The following KCNH1 variants were observed in gnomAD, a reference collection of about 807,000 sequenced individuals.
The protein encoded by KCNH1 is potassium voltage-gated channel subfamily H member 1, also known as voltage-gated delayed rectifier potassium channel KCNH1.
KCNH1 carries 27 observed loss-of-function variants against 69.2 expected under a neutral mutation model. That is an observed-to-expected ratio of 0.39 (90% confidence interval 0.29 to 0.54). The LOEUF is 0.54. KCNH1 is among the 20% of genes least tolerant of loss of function. KCNH1 has a pLI of 0.68. For synonymous variants in KCNH1, 456 were observed against 487.7 expected, an observed-to-expected ratio of 0.93 and a Z score of 0.86; for missense variants, 798 against 1,261.6, an observed-to-expected ratio of 0.63 and a Z score of 5.57.
chr1:211,081,666 G>A (rs531307648), intron 5 of KCNH1, among the ~76,000 whole-genome samples: 1 of 152,200 alleles, frequency 6.6e-6, no homozygotes, highest in Non-Finnish European at 1.5e-5. Flanking sequence ...CATGTCCTTT[G>A]CAGGGACATG....
At chr1:210,969,280 A>C (rs1443416156) in intron 6 of KCNH1, among the ~76,000 whole-genome samples, 3 of 152,060 alleles carry the variant, frequency 2.0e-5, no homozygotes, top group Admixed American at 6.6e-5. Flanking sequence ...CTGATCTTAC[A>C]GAATGAATTG....
intron 7 of KCNH1, chr1:210,861,544 A>C (rs1685978531): frequency 1.3e-6 from 1 of 772,370 alleles, no homozygotes; most frequent in African/African-American, 1.7e-5. Flanking sequence ...CTTCAATTCG[A>C]AGTGTTTCAG....
In KCNH1 at chr1:211,061,123, G is replaced by A. The variant is rs1388635870; in HGVS notation, c.558+21657C>T. Among the ~76,000 whole-genome samples, 4 of 152,128 alleles carry A rather than the reference G, an allele frequency of 2.6e-5. No individual in the cohort carries two copies. In the East Asian group the frequency reaches 5.8e-4, roughly 22 times the overall value. On this transcript the variant is annotated intron_variant, in intron 5 of 10. Coordinates refer to ENST00000271751, the MANE Select transcript of KCNH1 (RefSeq NM_172362.3). ...AAGGTCATTCATCATGACCAAGAGA[G>A]ATTTATGCCAGGGATGCAAGGGGTT...
chr1:210,929,480 C>T (rs535517053), intron 6 of KCNH1, among the ~76,000 whole-genome samples: 6 of 152,242 alleles, frequency 3.9e-5, no homozygotes, highest in African/African-American at 1.2e-4. Context: ...TTCAGCATCG[C>T]TTTATGATTA....
chr1:211,003,937 C>CA (rs1192669555), intron 6 of KCNH1, among the ~76,000 whole-genome samples: 3 of 151,766 alleles, frequency 2.0e-5, no homozygotes, highest in Admixed American at 1.3e-4. Context: ...ACTAAAAATA[C>CA]AAAAAATTAG....
intron 7 of KCNH1, chr1:210,859,596 G>A (rs1273114786): frequency 1.9e-5 from 28 of 1,484,956 alleles, no homozygotes; most frequent in Admixed American, 1.2e-4. Flanking sequence ...CCAGTTCCTC[G>A]GTTTCATCAT....
At chr1:211,061,858 G>A (rs1000279106) in intron 5 of KCNH1, among the ~76,000 whole-genome samples, 16 of 152,096 alleles carry the variant, frequency 1.1e-4, no homozygotes, top group Middle Eastern at 3.2e-3. Flanking sequence ...CCATGAGTTA[G>A]AAGAATCAAT....
intron 7 of KCNH1, among the ~76,000 whole-genome samples, chr1:210,868,834 G>T (rs1462399648): frequency 2.0e-5 from 3 of 151,812 alleles, no homozygotes; most frequent in Non-Finnish European, 4.4e-5. Context: ...ATAACCTTTT[G>T]GGATTTGCTG....
chr1:211,058,818 C>T (rs1690364648), intron 5 of KCNH1, among the ~76,000 whole-genome samples: 1 of 152,048 alleles, frequency 6.6e-6, no homozygotes, highest in Admixed American at 6.5e-5. Flanking sequence ...ATAAACAAGA[C>T]TCAAAAATCT....
rs56223346 is a variant in KCNH1, at chr1:211,107,382, TAA to T, written c.80-7_80-6del. The T allele has an allele frequency of 0.24, 343,279 of 1,407,512 alleles. 11,408 individuals carry two copies. The highest frequency in any genetic ancestry group is 0.26 in the Non-Finnish European group (268,994 of 1,036,432). The allele number at this position is 1,407,512 out of a possible 1,614,324, so 87.2% of individuals were successfully genotyped here. On this transcript the variant is annotated splice_polypyrimidine_tract_variant and splice_region_variant and intron_variant, in intron 1 of 10. Coordinates refer to ENST00000271751, the MANE Select transcript of KCNH1 (RefSeq NM_172362.3). ...TCCCCAACACAAAATTAGTATCTGT[TAA>T]AAAAAAAAAAAAGGGAAAAAAGGGC...
intron 5 of KCNH1, among the ~76,000 whole-genome samples, chr1:211,027,179 C>A (rs1689699209): frequency 6.6e-6 from 1 of 151,980 alleles, no homozygotes; most frequent in South Asian, 2.1e-4. Flanking sequence ...CATAAAAGTG[C>A]TTTAACAAGT....
intron 10 of KCNH1, among the ~76,000 whole-genome samples, chr1:210,760,439 G>A (rs900569250): frequency 6.6e-6 from 1 of 152,096 alleles, no homozygotes; most frequent in Admixed American, 6.5e-5. Context: ...TCCTTCCAAA[G>A]AAAGCTTCAT....
At chr1:211,047,479 T>C (rs1422138091) in intron 5 of KCNH1, among the ~76,000 whole-genome samples, 3 of 152,054 alleles carry the variant, frequency 2.0e-5, no homozygotes, top group Non-Finnish European at 4.4e-5. Context: ...ACACAGTAAG[T>C]TCATCAAGGT....
At chr1:210,992,751 A>G (rs1212756734) in intron 6 of KCNH1, among the ~76,000 whole-genome samples, 3 of 152,208 alleles carry the variant, frequency 2.0e-5, no homozygotes, top group Non-Finnish European at 4.4e-5. Context: ...ATCTGGTTAT[A>G]TAAAATGTAA....
chr1:211,040,238 T>C (rs1363317657), intron 5 of KCNH1, among the ~76,000 whole-genome samples: 1 of 151,122 alleles, frequency 6.6e-6, no homozygotes, highest in Non-Finnish European at 1.5e-5. Context: ...AAGGCATGAT[T>C]GGTTTTGAAA....
intron 7 of KCNH1, among the ~76,000 whole-genome samples, chr1:210,886,093 T>C (rs1160663164): frequency 6.6e-6 from 1 of 152,176 alleles, no homozygotes; most frequent in Non-Finnish European, 1.5e-5. Flanking sequence ...CCATGCCTCC[T>C]GATGGGGAGA....
chr1:210,857,729 C>A (rs1685885794), intron 7 of KCNH1, among the ~76,000 whole-genome samples: 2 of 152,114 alleles, frequency 1.3e-5, no homozygotes, highest in Admixed American at 1.3e-4. Context: ...TTTGTGTACA[C>A]ATGTATATAA....
At chr1:211,118,600 AAAAC>A (rs1219002583) in intron 1 of KCNH1, among the ~76,000 whole-genome samples, 2 of 152,212 alleles carry the variant, frequency 1.3e-5, no homozygotes, top group East Asian at 1.9e-4. Context: ...TTCATAGCAT[AAAAC>A]AAACATTCTC....
intron 10 of KCNH1, among the ~76,000 whole-genome samples, chr1:210,700,369 T>C (rs762115047): frequency 2.0e-5 from 3 of 152,072 alleles, no homozygotes; most frequent in Non-Finnish European, 2.9e-5. Context: ...AGCTTCATGC[T>C]CTCATCTGGG....
Sources: allele counts gnomAD v4.1 joint callset (sites outside exome capture counted in the v4.1 genomes callset), GRCh38; gene constraint gnomAD v4.1.1; transcripts MANE v1.5; gene names NCBI Gene and HGNC (gene_info 2026-07-23, HGNC 2026-07-21).